Variants in SERPINE3 observed in about 807,000 individuals in gnomAD.
SERPINE3 encodes the protein serpin E3.
A neutral mutation model predicts 41.7 loss-of-function variants in SERPINE3; 43 were observed. That is an observed-to-expected ratio of 1.03 (90% CI 0.81 to 1.33). SERPINE3 has a LOEUF of 1.33. SERPINE3 is among the 40% of genes most tolerant of loss of function. The pLI is 0.00. For synonymous variants in SERPINE3, 200 were observed against 192.2 expected (o/e 1.04, Z -0.34); for missense variants, 440 against 491.7 (o/e 0.89, Z 0.99).
chr13:51,344,938 T>C (rs1238634456), intron 4 of SERPINE3, among the ~76,000 whole-genome samples: 1 of 152,106 alleles, frequency 6.6e-6, no homozygotes, highest in Non-Finnish European at 1.5e-5. Context: ...TTACACACAA[T>C]AAGATGTTTA....
At chr13:51,358,206 G>T (rs1443323247) in intron 7 of SERPINE3, among the ~76,000 whole-genome samples, 1 of 151,998 alleles carries the variant, frequency 6.6e-6, no homozygotes, top group Admixed American at 6.6e-5. Flanking sequence ...TAGCAACTAA[G>T]TGACAAGATG....
intron 4 of SERPINE3, 78 bp downstream of exon 4, chr13:51,344,563 G>T: frequency 8.3e-7 from 1 of 1,205,528 alleles, no homozygotes; most frequent in Non-Finnish European, 1.2e-6. Flanking sequence ...ACTTGTCAGA[G>T]GCCATGGTGC....
rs532810116 is a variant in SERPINE3, at chr13:51,344,191, G to T, written c.257-61G>T. 291 of 1,214,176 alleles carry T rather than the reference G, an allele frequency of 2.4e-4. 3 individuals are homozygous for T. The South Asian group carries it at 3.4e-3, about 14-fold the overall frequency. 75.2% of individuals were successfully genotyped at this position (1,214,176 alleles called of 1,614,324 possible). On this transcript the variant is annotated intron_variant, in intron 3 of 9. Transcript: ENST00000681248. ...CATCTCAATGCAATGTGTGCTGGAG[G>T]TTGTGCTAACTCCTTACTCACACTC...
rs1389495883 is a variant in SERPINE3 at position 51,347,042 on chromosome 13, G to A, written c.508G>A (p.Gly170Ser). 5 of 1,585,440 alleles carry A rather than the reference G, an allele frequency of 3.2e-6. No individual in the cohort carries two copies. In the African/African-American group the frequency reaches 6.7e-5, roughly 21 times the overall value. ...GCTTGCAGGTGGGGGCCCCAGTGAGGGCCCTGGTGGCTGGCCGTGGGAGCA... is the reference window on the plus strand; with the variant it reads ...GCTTGCAGGTGGGGGCCCCAGTGAGAGCCCTGGTGGCTGGCCGTGGGAGCA... ...RETAGGGPSE[G>S]PGGWPWEQVS... Residue 170 changes from glycine to serine, a missense_variant, in exon 5 of 10, where the codon GGC (glycine) becomes AGC (serine). Transcript: ENST00000681248.
At chr13:51,357,738 GATGCCAGCTA>G (rs1428325565) in intron 7 of SERPINE3, among the ~76,000 whole-genome samples, 1 of 151,820 alleles carries the variant, frequency 6.6e-6, no homozygotes, top group Non-Finnish European at 1.5e-5. Flanking sequence ...TCACACTGAA[GATGCCAGCTA>G]AAGATACTCT....
chr13:51,345,644 C>T (rs895704561), intron 4 of SERPINE3, among the ~76,000 whole-genome samples: 1 of 146,080 alleles, frequency 6.8e-6, no homozygotes, highest in Non-Finnish European at 1.5e-5. Context: ...ATGTATACTA[C>T]GACTGAATGG....
intron 7 of SERPINE3, among the ~76,000 whole-genome samples, chr13:51,358,944 C>T (rs998215698): frequency 6.6e-5 from 10 of 150,614 alleles, no homozygotes; most frequent in African/African-American, 1.7e-4. Flanking sequence ...TATGGTTAAA[C>T]GCTATGTATT....
intron 7 of SERPINE3, among the ~76,000 whole-genome samples, chr13:51,359,095 A>C (rs1221344455): frequency 6.6e-6 from 1 of 152,148 alleles, no homozygotes; most frequent in African/African-American, 2.4e-5. Flanking sequence ...AATGCCACCT[A>C]TAAACAATCT....
intron 6 of SERPINE3, among the ~76,000 whole-genome samples, chr13:51,349,220 A>G (rs555619962): frequency 1.1e-4 from 16 of 152,348 alleles, no homozygotes; most frequent in African/African-American, 3.8e-4. Flanking sequence ...GGCTTCCAGT[A>G]GGCAAAGGCA....
In SERPINE3 at chr13:51,342,257, G is replaced by C. The variant is rs184173534; in HGVS notation, c.256+910G>C. Among the ~76,000 whole-genome samples the C allele has an allele frequency of 4.8e-3, 722 of 151,530 alleles. 8 individuals are homozygous for C. The highest frequency in any genetic ancestry group is 0.017 in the African/African-American group (687 of 41,220). ...TCAAAGTGGAATGAAGCTGTCCTAG[G>C]CAGGGTCATCCCGGCCTACCCATTC... On this transcript the variant is annotated intron_variant, in intron 3 of 9. Transcript: ENST00000681248.
intron 4 of SERPINE3, among the ~76,000 whole-genome samples, chr13:51,346,312 C>G (rs879893632): frequency 1.3e-5 from 2 of 152,036 alleles, no homozygotes; most frequent in Non-Finnish European, 1.5e-5. Context: ...AGCTCAGCAG[C>G]GGGGCAGGGT....
In SERPINE3 at chr13:51,355,092, G is replaced by A. The variant is rs182389934; in HGVS notation, c.949G>A (p.Gly317Arg). The change falls in exon 7 of 10, where the codon GGA becomes AGA. Residue 317 changes from glycine (G) to arginine (R), a missense_variant. Coordinates refer to ENST00000681248, the MANE Select transcript of SERPINE3 (RefSeq NM_001386375.1). ...CTTAAAAAGCATTTTAAATTCTTGG[G>A]GAGTCACCGATCTTTTTGATCCACT... ...FNLKSILNSW[G>R]VTDLFDPLKA... 26 of 1,552,312 alleles carry A rather than the reference G, an allele frequency of 1.7e-5. No individual in the cohort carries two copies. In the Admixed American group the frequency reaches 2.5e-4, roughly 15 times the overall value.
rs1409477651 is a variant in SERPINE3, at chr13:51,361,808, A to G, written c.1088-2A>G. On this transcript the variant is annotated splice_acceptor_variant, in intron 8 of 9. Transcript: ENST00000681248. LOFTEE classifies it high-confidence loss of function. ...AATGGAATTTTTCTTTCTTTCCTGC[A>G]GCTCTGTTGTTATTGAAAAGGTCTC... The G allele has an allele frequency of 5.7e-6, 9 of 1,583,350 alleles. No homozygotes were observed. Among genetic ancestry groups the G allele is most frequent in the Non-Finnish European group, 7.7e-6 (9 of 1,170,248 alleles).
chr13:51,360,816 A>G (rs925437689), intron 7 of SERPINE3, among the ~76,000 whole-genome samples: 1 of 152,038 alleles, frequency 6.6e-6, no homozygotes, highest in African/African-American at 2.4e-5. Context: ...CTTAAAGTGC[A>G]GTCCAAAAAG....
chr13:51,344,645 T>C (rs2137768943), intron 4 of SERPINE3, among the ~76,000 whole-genome samples, 160 bp downstream of exon 4: 1 of 152,258 alleles, frequency 6.6e-6, no homozygotes, highest in East Asian at 1.9e-4. Flanking sequence ...AAGGGGACAC[T>C]AAGTCCCTTT....
At chr13:51,353,695 A>G (rs1022897913) in intron 6 of SERPINE3, among the ~76,000 whole-genome samples, 6 of 152,244 alleles carry the variant, frequency 3.9e-5, no homozygotes, top group South Asian at 2.1e-4. Flanking sequence ...TTTGGAAACT[A>G]TTCTGAAGAT....
At chr13:51,349,449 T>G in intron 6 of SERPINE3, among the ~76,000 whole-genome samples, 1 of 152,136 alleles carries the variant, frequency 6.6e-6, no homozygotes, top group Non-Finnish European at 1.5e-5. Context: ...TTTCAACAGA[T>G]CTCTCAGGGA....
At position 51,364,506 on chromosome 13, in the gene SERPINE3, C is replaced by T. The variant is rs978386477; in HGVS notation, c.*224C>T. 2 of 439,846 alleles carry T rather than the reference C, an allele frequency of 4.5e-6. No homozygotes were observed. Among genetic ancestry groups the T allele is most frequent in the Non-Finnish European group, 8.0e-6 (2 of 248,592 alleles). The allele number at this position is 439,846 out of a possible 1,614,324, so 27.2% of individuals were successfully genotyped here. ...TGACCTTCTTTTCTACTGCTTACCC[C>T]CCAAACCACTAAAAGGCACAGCAGT... On this transcript the variant is annotated 3_prime_UTR_variant, in exon 10 of 10. Transcript: ENST00000681248.
chr13:51,362,604 G>A (rs953339610), intron 9 of SERPINE3: 6 of 152,418 alleles, frequency 3.9e-5, no homozygotes, highest in African/African-American at 1.4e-4. Context: ...AGTCTAAACA[G>A]TGTATTAAAA....
Sources: allele counts gnomAD v4.1 joint callset (sites outside exome capture counted in the v4.1 genomes callset), GRCh38; gene constraint gnomAD v4.1.1; transcripts MANE v1.5; gene names NCBI Gene and HGNC (gene_info 2026-07-23, HGNC 2026-07-21).